KCNV2: variants seen among roughly 807,000 people sequenced by gnomAD.
KCNV2 encodes potassium voltage-gated channel subfamily V member 2.
In KCNV2, 65 loss-of-function variants were observed where a neutral mutation model predicts 37.0. The ratio of observed to expected loss-of-function variants is 1.76; its 90% CI spans 1.44 to 2.16. The LOEUF (loss-of-function observed/expected upper bound fraction) is 2.16, where lower values mean the gene tolerates loss of function less well. Among genes scored for constraint, KCNV2 ranks in the 30% most tolerant of loss-of-function variants. KCNV2 has a pLI of 0.00. For synonymous variants in KCNV2, 518 were observed against 328.6 expected (o/e 1.58, Z -6.23); for missense variants, 1,232 against 766.7 (o/e 1.61, Z -7.17).
In KCNV2 at chr9:2,729,496, G is replaced by T. The variant is rs771395573; in HGVS notation, c.1407G>T (p.Leu469=). 6.2e-7 allele frequency: 1 copy of T among 1,614,064 alleles called. No homozygotes were observed. Among genetic ancestry groups the T allele is most frequent in the Admixed American group, 1.7e-5 (1 of 60,012 alleles). Residue 469 remains leucine (L), a synonymous_variant, in exon 2 of 2, where the codon CTG becomes CTT. Coordinates refer to ENST00000382082, the MANE Select transcript of KCNV2 (RefSeq NM_133497.4). ...GYGDMYPETH[L]GRFFAFLCIA... The stretch of plus-strand genomic sequence containing the variant: ...GAGACATGTACCCAGAGACCCACCT[G>T]GGCAGGTTTTTTGCCTTCCTCTGCA...
At chr9:2,725,816 T>G in intron 1 of KCNV2, among the ~76,000 whole-genome samples, 1 of 152,196 alleles carries the variant, frequency 6.6e-6, no homozygotes, top group South Asian at 2.1e-4. Flanking sequence ...GGAAACAAAC[T>G]TGTCTTGTTA....
At chr9:2,719,209 C>T (rs1028221432) in intron 1 of KCNV2, 114 bp downstream of exon 1, 12 of 1,180,696 alleles carry the variant, frequency 1.0e-5, no homozygotes, top group South Asian at 5.2e-5. Context: ...TCTTCCCCCC[C>T]ACCCCCAATC....
chr9:2,718,078 C>G lies in KCNV2; in HGVS notation c.339C>G (p.Cys113Trp), dbSNP rs202036979. The change falls in exon 1 of 2, where the codon TGC becomes TGG. Residue 113 changes from cysteine (C) to tryptophan (W), a missense_variant. By Grantham distance (215) the Cys-to-Trp change is radical. Transcript: ENST00000382082. ...GCCACAGCTACCAGCTGGACTACTG[C>G]GAGCTGGCCGGCTTCCCCAAGACGC... ...VGGHSYQLDY[C>W]ELAGFPKTRL... 3.7e-6 allele frequency: 6 copies of G among 1,600,896 alleles called. No homozygotes were observed. In the African/African-American group the frequency reaches 6.7e-5, roughly 18 times the overall value.
chr9:2,719,605 A>G lies in KCNV2; in HGVS notation c.1356+510A>G, dbSNP rs546467093. 5.9e-5 allele frequency among the ~76,000 whole-genome samples: 9 copies of G among 152,330 alleles called. No homozygotes were observed. In the South Asian group the frequency reaches 1.9e-3, roughly 32 times the overall value. On this transcript the variant is annotated intron_variant, in intron 1 of 1. Coordinates refer to ENST00000382082, the MANE Select transcript of KCNV2 (RefSeq NM_133497.4). ...AATCCCACCACCTCTGGTTCCACTTAAATCTGAGTGTGGAAAGAAGCATCT... is the reference window on the plus strand; with the variant it reads ...AATCCCACCACCTCTGGTTCCACTTGAATCTGAGTGTGGAAAGAAGCATCT...
Position 2,730,022 on chromosome 9 carries a change from A to G in KCNV2, c.*295A>G, listed in dbSNP as rs1394267637. 9.0e-6 allele frequency: 3 copies of G among 332,474 alleles called. No individual in the cohort carries two copies. Among genetic ancestry groups the G allele is most frequent in the Non-Finnish European group, 1.1e-5 (2 of 180,938 alleles). 20.6% of individuals were successfully genotyped at this position (332,474 alleles called of 1,614,324 possible). On this transcript the variant is annotated 3_prime_UTR_variant, in exon 2 of 2. Coordinates refer to ENST00000382082, the MANE Select transcript of KCNV2 (RefSeq NM_133497.4). ...CTTCTCGTGGCATCTAGCTCAATAAATATTTTTGGACTTGAGTTGACTTGA... is the reference window on the plus strand; with the variant it reads ...CTTCTCGTGGCATCTAGCTCAATAAGTATTTTTGGACTTGAGTTGACTTGA...
In KCNV2 at chr9:2,728,311, T is replaced by C. The variant is rs544051723; in HGVS notation, c.1357-1135T>C. On this transcript the variant is annotated intron_variant, in intron 1 of 1. Transcript: ENST00000382082. ...CTACCCAAATACACAAAGCAAAGAG[T>C]GCCCCCCTGGAGTAGTGCAACGCAA... Among the ~76,000 whole-genome samples, 4 of 152,026 alleles carry C rather than the reference T, an allele frequency of 2.6e-5. No homozygotes were observed. In the South Asian group the frequency reaches 8.3e-4, roughly 32 times the overall value.
In KCNV2 at chr9:2,718,725, G is replaced by A. The variant is rs1197568554; in HGVS notation, c.986G>A (p.Arg329His). Residue 329 changes from arginine (R) to histidine (H), a missense_variant, in exon 1 of 2, where the codon CGC (arginine) becomes CAC (histidine). By Grantham distance (29) the Arg-to-His change is conservative. Coordinates refer to ENST00000382082, the MANE Select transcript of KCNV2 (RefSeq NM_133497.4). Reference sequence around the variant, plus strand: ...CTAGCCTCCACGCCCGACCTGAGGCGCTTCGCGCGCAGCGCCCTCAACCTG... The same window carrying A: ...CTAGCCTCCACGCCCGACCTGAGGCACTTCGCGCGCAGCGCCCTCAACCTG... ...LRLASTPDLR[R>H]FARSALNLVD... The A allele has an allele frequency of 6.2e-7, 1 of 1,612,540 alleles. No individual in the cohort carries two copies. The highest frequency in any genetic ancestry group is 8.5e-7 in the Non-Finnish European group (1 of 1,179,838).
intron 1 of KCNV2, among the ~76,000 whole-genome samples, chr9:2,722,011 G>GTATTTATAAATAAATTAGAAGT (rs1563797581): frequency 7.4e-6 from 1 of 134,436 alleles, no homozygotes; most frequent in Non-Finnish European, 1.6e-5. Context: ...TGATAAATGT[G>GTATTTATAAATAAATTAGAAGT]TATTTATTTA....
chr9:2,728,881 TAAA>T (rs60674628), intron 1 of KCNV2, among the ~76,000 whole-genome samples: 2 of 98,430 alleles, frequency 2.0e-5, no homozygotes, highest in African/African-American at 6.5e-5. Context: ...CTGTTTTAAA[TAAA>T]AAAAAAAAAA....
rs373688228 is a variant in KCNV2, at chr9:2,717,904, C to A, written c.165C>A (p.Ile55=). The A allele has an allele frequency of 2.2e-5, 35 of 1,614,050 alleles. No individual in the cohort carries two copies. The highest frequency in any genetic ancestry group is 2.4e-5 in the Non-Finnish European group (28 of 1,180,032). ...GWTEGNYNYY[I]EEDEDGEEED... ...CAGAGGGCAACTATAACTACTACAT[C>A]GAGGAAGACGAAGACGGCGAGGAGG... The change falls in exon 1 of 2, where the codon ATC becomes ATA. Residue 55 remains isoleucine, a synonymous_variant. Transcript: ENST00000382082.
At position 2,717,982 on chromosome 9, in the gene KCNV2, C is replaced by T; in HGVS notation, c.243C>T (p.Val81=). 4 of 1,614,104 alleles carry T rather than the reference C, an allele frequency of 2.5e-6. No homozygotes were observed. Among genetic ancestry groups the T allele is most frequent in the Non-Finnish European group, 3.4e-6 (4 of 1,180,004 alleles). The change falls in exon 1 of 2, where the codon GTC becomes GTT. Residue 81 remains valine, a synonymous_variant. Coordinates refer to ENST00000382082, the MANE Select transcript of KCNV2 (RefSeq NM_133497.4). ...AAGAGGACCAGCAGGCAGGGGAGGT[C>T]ACCACCGCCAAGCCCGAGGGCCCCA... ...LAEEDQQAGE[V]TTAKPEGPSD...
intron 1 of KCNV2, among the ~76,000 whole-genome samples, chr9:2,723,234 C>T (rs1819911869): frequency 6.6e-6 from 1 of 152,146 alleles, no homozygotes. Context: ...TTTTATTTCA[C>T]CATTCTGGGG....
chr9:2,723,268 T>A (rs536824572), intron 1 of KCNV2, among the ~76,000 whole-genome samples: 68 of 152,318 alleles, frequency 4.5e-4, no homozygotes, highest in African/African-American at 1.6e-3. Context: ...GAAATATGCA[T>A]CCCACATTAC....
chr9:2,722,816 A>G (rs12347927), intron 1 of KCNV2, among the ~76,000 whole-genome samples: 8,163 of 152,214 alleles, frequency 0.054, 753 homozygotes, highest in African/African-American at 0.19. Flanking sequence ...CTGATGGTCA[A>G]CTGGCATGAA....
Position 2,718,435 on chromosome 9 carries a change from C to G in KCNV2, c.696C>G (p.Leu232=), listed in dbSNP as rs1172693944. 2.5e-6 allele frequency: 4 copies of G among 1,606,468 alleles called. No individual in the cohort carries two copies. The highest frequency in any genetic ancestry group is 3.4e-6 in the Non-Finnish European group (4 of 1,177,316). ...AQAQVEEAEE[L]FRDMRFYGPQ... ...CGCAGGTCGAGGAGGCGGAGGAACTCTTCCGCGACATGCGCTTCTACGGCC... is the reference window on the plus strand; with the variant it reads ...CGCAGGTCGAGGAGGCGGAGGAACTGTTCCGCGACATGCGCTTCTACGGCC... Residue 232 remains leucine, a synonymous_variant, in exon 1 of 2, where the codon CTC becomes CTG. Transcript: ENST00000382082.
intron 1 of KCNV2, among the ~76,000 whole-genome samples, chr9:2,727,736 T>C (rs527347992): frequency 5.9e-5 from 9 of 152,150 alleles, no homozygotes; most frequent in Non-Finnish European, 1.2e-4. Flanking sequence ...AATAATATTA[T>C]TGCTTACACA....
In KCNV2 at chr9:2,717,973, A is replaced by C; in HGVS notation, c.234A>C (p.Ala78=). 1 of 1,614,134 alleles carries C rather than the reference A, an allele frequency of 6.2e-7. No individual in the cohort carries two copies. Among genetic ancestry groups the C allele is most frequent in the Non-Finnish European group, 8.5e-7 (1 of 1,180,008 alleles). The part of the protein sequence containing the change: ...KDDLAEEDQQ[A]GEVTTAKPEG... Reference sequence around the variant, plus strand: ...ACCTGGCAGAAGAGGACCAGCAGGCAGGGGAGGTCACCACCGCCAAGCCCG... The same window carrying C: ...ACCTGGCAGAAGAGGACCAGCAGGCCGGGGAGGTCACCACCGCCAAGCCCG... The change falls in exon 1 of 2, where the codon GCA becomes GCC. Residue 78 remains alanine, a synonymous_variant. Transcript: ENST00000382082.
At chr9:2,724,503 C>T (rs1166666336) in intron 1 of KCNV2, among the ~76,000 whole-genome samples, 2 of 151,952 alleles carry the variant, frequency 1.3e-5, no homozygotes, top group East Asian at 3.9e-4. Flanking sequence ...TGAGATAATC[C>T]AGAGATTGGT....
Position 2,718,406 on chromosome 9 carries a change from C to T in KCNV2, c.667C>T (p.Gln223Ter), listed in dbSNP as rs1350461029. The T allele has an allele frequency of 1.2e-6, 2 of 1,602,828 alleles. No homozygotes were observed. Among genetic ancestry groups the T allele is most frequent in the African/African-American group, 1.3e-5 (1 of 74,854 alleles). The stretch of plus-strand genomic sequence containing the variant: ...CAAGATCCAGCACGAGCTGCGCGCG[C>T]AGGCGCAGGTCGAGGAGGCGGAGGA... ...RLKIQHELRA[Q>*]AQVEEAEELF... is the part of the protein sequence containing the mutation. The change falls in exon 1 of 2, where the codon CAG becomes TAG. Residue 223 changes from glutamine (Q) to a stop codon, truncating the protein, a stop_gained. Transcript: ENST00000382082. LOFTEE classifies it high-confidence loss of function.
Sources: allele counts gnomAD v4.1 joint callset (sites outside exome capture counted in the v4.1 genomes callset), GRCh38; gene constraint gnomAD v4.1.1; transcripts MANE v1.5; gene names NCBI Gene and HGNC (gene_info 2026-07-23, HGNC 2026-07-21).